FBXO7: variants seen among roughly 807,000 people sequenced by gnomAD.
FBXO7 encodes the protein F-box only protein 7.
FBXO7 carries 31 observed loss-of-function variants against 50.2 expected under a neutral mutation model. The observed-to-expected ratio is 0.62, with a 90% confidence interval of 0.46 to 0.83. The LOEUF (loss-of-function observed/expected upper bound fraction) is 0.83. FBXO7 is among the 40% of genes least tolerant of loss of function. The probability of loss-of-function intolerance (pLI) is 0.00; values close to 1 mark genes in which losing one functional copy is unlikely to be tolerated. For missense variants in FBXO7, 667 were observed against 646.6 expected (o/e 1.03, Z -0.34); for synonymous variants, 256 against 253.1 (o/e 1.01, Z -0.11).
At chr22:32,483,241 C>T (rs1027624402) in intron 2 of FBXO7, among the ~76,000 whole-genome samples, 2 of 152,092 alleles carry the variant, frequency 1.3e-5, no homozygotes, top group Admixed American at 6.6e-5. Context: ...TTATATAATG[C>T]GAATAGTGTA....
chr22:32,486,920 G>A (rs1418225337), intron 4 of FBXO7, among the ~76,000 whole-genome samples: 1 of 152,202 alleles, frequency 6.6e-6, no homozygotes, highest in East Asian at 1.9e-4. Flanking sequence ...TAGTAAATGT[G>A]TAGTTGCAAA....
rs1000685195 is a variant in FBXO7, at chr22:32,498,636, T to G, written c.*106T>G. The stretch of plus-strand genomic sequence containing the variant: ...CGAGTGTTATTTTCTGATTGTGGTG[T>G]TGAGAGTTGCACTCCCAGAAACCTT... On this transcript the variant is annotated 3_prime_UTR_variant, in exon 9 of 9. Transcript: ENST00000266087. 1.0e-5 allele frequency: 14 copies of G among 1,366,392 alleles called. No individual in the cohort carries two copies. Among genetic ancestry groups the G allele is most frequent in the Non-Finnish European group, 1.4e-5 (14 of 992,758 alleles). The allele number at this position is 1,366,392 out of a possible 1,614,324, so 84.6% of individuals were successfully genotyped here. A position where few individuals can be genotyped will look rare whatever the true frequency, so the allele number is the denominator to read the frequency against.
intron 1 of FBXO7, among the ~76,000 whole-genome samples, chr22:32,478,465 A>G (rs537020489): frequency 6.6e-6 from 1 of 152,342 alleles, no homozygotes; most frequent in African/African-American, 2.4e-5. Flanking sequence ...TGGATTAGTG[A>G]TAGAGGATTA....
In FBXO7 at chr22:32,493,208, G is replaced by A. The variant is rs1188844530; in HGVS notation, c.1071G>A (p.Ala357=). The stretch of plus-strand genomic sequence containing the variant: ...TTCGTTCCGTCTTGTCTTTGTCTGC[G>A]GTTTGTCGTGACCTCTTTACTGCTT... The part of the protein sequence containing the change: ...LDVRSVLSLS[A]VCRDLFTASN... The change falls in exon 7 of 9, where the codon GCG becomes GCA. Residue 357 remains alanine (A), a synonymous_variant. Transcript: ENST00000266087. The A allele has an allele frequency of 9.9e-6, 16 of 1,613,974 alleles. No individual in the cohort carries two copies. The highest frequency in any genetic ancestry group is 1.6e-4 in the Middle Eastern group (1 of 6,084).
chr22:32,481,903 C>T (rs541684240), intron 2 of FBXO7, among the ~76,000 whole-genome samples: 7 of 149,964 alleles, frequency 4.7e-5, no homozygotes, highest in African/African-American at 1.7e-4. Flanking sequence ...CATTTTTACA[C>T]ATGTGAAGAA....
At chr22:32,475,402 A>G in intron 1 of FBXO7, 1 of 1,611,080 alleles carries the variant, frequency 6.2e-7, no homozygotes, top group Non-Finnish European at 8.5e-7. Flanking sequence ...CTCCTCGGTG[A>G]GTCATGGCTT....
At chr22:32,494,160 A>AT (rs2057557477) in intron 7 of FBXO7, among the ~76,000 whole-genome samples, 1 of 149,004 alleles carries the variant, frequency 6.7e-6, no homozygotes. Context: ...GATTGCTAAA[A>AT]TTTTTTTTTC....
At chr22:32,488,586 T>C (rs1278833206) in intron 5 of FBXO7, 3 of 152,232 alleles carry the variant, frequency 2.0e-5, no homozygotes, top group African/African-American at 7.2e-5. Context: ...GTGGGAATGT[T>C]GTGGTACAAT....
chr22:32,480,520 C>T (rs1306009850), intron 2 of FBXO7, among the ~76,000 whole-genome samples: 1 of 152,086 alleles, frequency 6.6e-6, no homozygotes, highest in South Asian at 2.1e-4. Context: ...TTCACCCAGA[C>T]TGGAACCTGT....
At position 32,498,354 on chromosome 22, in the gene FBXO7, A is replaced by G; in HGVS notation, c.1393A>G (p.Ile465Val). ...TGTTGGAGACCCAATCAGTTCACTCATTCCTGGTCCTGGGGAGACGCCCAG... is the reference window on the plus strand; with the variant it reads ...TGTTGGAGACCCAATCAGTTCACTCGTTCCTGGTCCTGGGGAGACGCCCAG... ...PYVGDPISSLIPGPGETPSQF... is the reference protein window; with the variant it reads ...PYVGDPISSLVPGPGETPSQF... Residue 465 changes from isoleucine (I) to valine (V), a missense_variant, in exon 9 of 9, where the codon ATT becomes GTT. Physicochemically the swap from Ile to Val is conservative, Grantham distance 29 (BLOSUM62 3). Coordinates refer to ENST00000266087, the MANE Select transcript of FBXO7 (RefSeq NM_012179.4). 1.2e-6 allele frequency: 2 copies of G among 1,614,178 alleles called. No individual in the cohort carries two copies. The highest frequency in any genetic ancestry group is 1.1e-5 in the South Asian group (1 of 91,082).
chr22:32,475,902 T>G (rs986581558), intron 1 of FBXO7: 1 of 152,786 alleles, frequency 6.5e-6, no homozygotes, highest in African/African-American at 2.4e-5. Flanking sequence ...GTGAAGCTGC[T>G]TTGTTTCCCT....
Position 32,495,434 on chromosome 22 carries a change from G to GT in FBXO7, c.1145-56dup, listed in dbSNP as rs1221857527. On this transcript the variant is annotated intron_variant, in intron 7 of 8. Coordinates refer to ENST00000266087, the MANE Select transcript of FBXO7 (RefSeq NM_012179.4). ...TCTTAGGAGAAAAACAAAACCCACT[G>GT]TTTAATGCAGGACGAATGAAATGTT... The GT allele has an allele frequency of 8.8e-5, 104 of 1,176,084 alleles. 1 individual carries two copies. Among genetic ancestry groups the GT allele is most frequent in the South Asian group, 7.7e-4 (60 of 77,810 alleles). The allele number at this position is 1,176,084 out of a possible 1,614,324, so 72.9% of individuals were successfully genotyped here. A position where few individuals can be genotyped will look rare whatever the true frequency, so the allele number is the denominator to read the frequency against.
At chr22:32,486,328 C>A (rs751423544) in intron 4 of FBXO7, among the ~76,000 whole-genome samples, 9 of 151,780 alleles carry the variant, frequency 5.9e-5, no homozygotes, top group Non-Finnish European at 1.3e-4. Context: ...TCCCCTCTTA[C>A]AAAGTTTCTT....
Position 32,484,089 on chromosome 22 carries a change from C to T in FBXO7, c.610C>T (p.His204Tyr). ...CAATGATGCCTTGATAGTGTTGATA[C>T]ATCTTCTCATGTTGGAGTCAGGTTA... Reference protein sequence around the residue: ...DANDALIVLIHLLMLESGYIP... With the variant: ...DANDALIVLIYLLMLESGYIP... The change falls in exon 3 of 9, where the codon CAT (histidine) becomes TAT (tyrosine). Residue 204 changes from histidine (H) to tyrosine (Y), a missense_variant. Transcript: ENST00000266087. 1 of 1,614,156 alleles carries T rather than the reference C, an allele frequency of 6.2e-7. No individual in the cohort carries two copies. The highest frequency in any genetic ancestry group is 8.5e-7 in the Non-Finnish European group (1 of 1,180,008).
In FBXO7 at chr22:32,491,114, T is replaced by C. The variant is rs1328270762; in HGVS notation, c.900T>C (p.Asp300=). The C allele has an allele frequency of 1.9e-6, 3 of 1,613,510 alleles. No individual in the cohort carries two copies. Among genetic ancestry groups the C allele is most frequent in the Non-Finnish European group, 2.5e-6 (3 of 1,179,484 alleles). The stretch of plus-strand genomic sequence containing the variant: ...AAAATGTAGCCAACATATACAAAGA[T>C]CTTCAGAAACTCTCTCGCCTCTTTA... ...LGENVANIYK[D]LQKLSRLFKD... Residue 300 remains aspartate (D), a synonymous_variant, in exon 6 of 9, where the codon GAT becomes GAC. Coordinates refer to ENST00000266087, the MANE Select transcript of FBXO7 (RefSeq NM_012179.4).
At chr22:32,492,940 G>A (rs2057546737) in intron 6 of FBXO7, 165 bp from the exon 7 acceptor site, 6 of 703,664 alleles carry the variant, frequency 8.5e-6, no homozygotes, top group South Asian at 4.7e-5. Context: ...GTCAAGCTGG[G>A]GTTAAAAATT....
chr22:32,498,120 C>A (rs1452581190), intron 8 of FBXO7, 24 bp from the exon 9 acceptor site: 2 of 1,612,906 alleles, frequency 1.2e-6, no homozygotes, highest in East Asian at 4.5e-5. Flanking sequence ...TTATCTTGTT[C>A]TTTTATTTTT....
In FBXO7 at chr22:32,482,924, C is replaced by T. The variant is rs534753069; in HGVS notation, c.418-973C>T. Among the ~76,000 whole-genome samples the T allele has an allele frequency of 9.2e-5, 14 of 152,224 alleles. No individual in the cohort carries two copies. The South Asian group carries it at 2.9e-3, about 32-fold the overall frequency. ...AGTGTGATAAGGTGCAGTAATCAAG[C>T]CCGTTGCAAGGCAGAGTTGTGGTCT... On this transcript the variant is annotated intron_variant, in intron 2 of 8. Coordinates refer to ENST00000266087, the MANE Select transcript of FBXO7 (RefSeq NM_012179.4).
chr22:32,493,033 T>G (rs750704047), intron 6 of FBXO7, 72 bp from the exon 7 acceptor site: 1 of 1,454,130 alleles, frequency 6.9e-7, no homozygotes, highest in African/African-American at 1.4e-5. Context: ...GTGGCAACTT[T>G]GTTGACTATG....
Sources: allele counts gnomAD v4.1 joint callset (sites outside exome capture counted in the v4.1 genomes callset), GRCh38; gene constraint gnomAD v4.1.1; transcripts MANE v1.5; gene names NCBI Gene and HGNC (gene_info 2026-07-23, HGNC 2026-07-21).